Variants in CTNNA2 observed in about 807,000 individuals in gnomAD.
CTNNA2 encodes the protein catenin alpha-2.
A neutral mutation model predicts 101.0 loss-of-function variants in CTNNA2; 42 were observed. The ratio of observed to expected loss-of-function variants is 0.42; its 90% CI spans 0.32 to 0.54. The LOEUF (loss-of-function observed/expected upper bound fraction) is 0.54. Ranked by LOEUF, CTNNA2 falls within the 20% of genes least tolerant of loss-of-function variation. The pLI, the probability that CTNNA2 is intolerant of heterozygous loss-of-function variation, is 0.14. For missense variants in CTNNA2, 871 were observed against 1,223.1 expected (o/e 0.71, Z 4.29); for synonymous variants, 450 against 456.4 (o/e 0.99, Z 0.18).
chr2:80,019,924 C>G (rs1428388381), intron 7 of CTNNA2, among the ~76,000 whole-genome samples: 3 of 152,072 alleles, frequency 2.0e-5, no homozygotes, highest in East Asian at 3.9e-4. Flanking sequence ...CCTGTAGTTC[C>G]CTACGTTTTT....
chr2:79,242,944 GC>G (rs1290635779), intron 2 of CTNNA2, among the ~76,000 whole-genome samples: 3 of 147,910 alleles, frequency 2.0e-5, no homozygotes, highest in Non-Finnish European at 4.5e-5. Flanking sequence ...TCCAGTCTGA[GC>G]AACAAAGTAA....
chr2:79,919,624 C>G (rs887500366), intron 7 of CTNNA2, among the ~76,000 whole-genome samples: 2 of 152,124 alleles, frequency 1.3e-5, no homozygotes, highest in South Asian at 2.1e-4. Context: ...TCAAAGAAGA[C>G]CTCACAAAAT....
At chr2:79,948,917 G>A (rs1688689268) in intron 7 of CTNNA2, among the ~76,000 whole-genome samples, 2 of 152,114 alleles carry the variant, frequency 1.3e-5, no homozygotes, top group Non-Finnish European at 2.9e-5. Context: ...GCAGTGAACT[G>A]AGATTGTGCC....
At position 79,867,337 on chromosome 2, in the gene CTNNA2, ATCTATCTG is replaced by A. The variant is rs780404392; in HGVS notation, c.466-2471_466-2464del. ...TTTTTCTACGTCCCTTCAATATTCTATCTATCTGTCTATCTATCAATCATCCATCAATC... is the reference window on the plus strand; with the variant it reads ...TTTTTCTACGTCCCTTCAATATTCTATCTATCTATCAATCATCCATCAATC... On this transcript the variant is annotated intron_variant, in intron 4 of 18. Coordinates refer to ENST00000402739, the MANE Select transcript of CTNNA2 (RefSeq NM_001282597.3). Among the ~76,000 whole-genome samples the A allele has an allele frequency of 5.4e-4, 81 of 150,434 alleles. 1 individual carries two copies. In the South Asian group the frequency reaches 0.014, roughly 26 times the overall value.
At chr2:80,061,388 C>T (rs1697589972) in intron 7 of CTNNA2, among the ~76,000 whole-genome samples, 1 of 152,156 alleles carries the variant, frequency 6.6e-6, no homozygotes, top group South Asian at 2.1e-4. Flanking sequence ...GATTGTGTAT[C>T]TCTTTAGAAT....
intron 7 of CTNNA2, among the ~76,000 whole-genome samples, chr2:80,214,117 A>T (rs949828327): frequency 6.6e-6 from 1 of 152,120 alleles, no homozygotes; most frequent in Non-Finnish European, 1.5e-5. Context: ...TCTGCACATG[A>T]GATGGGTCTC....
rs72926643 is a variant in CTNNA2, at chr2:80,162,949, G to A, written c.1057-230262G>A. The A allele has an allele frequency of 6.2e-5, 95 of 1,539,134 alleles. No individual in the cohort carries two copies. The African/African-American group carries it at 1.1e-3, about 19-fold the overall frequency. ...CTTGAATTTCCAACATGATATTGGG[G>A]ATATGGCAAACTGACATCTTGCGAG... On this transcript the variant is annotated intron_variant, in intron 7 of 18. Coordinates refer to ENST00000402739, the MANE Select transcript of CTNNA2 (RefSeq NM_001282597.3).
At chr2:79,525,198 C>T (rs1672336684) in intron 1 of CTNNA2, among the ~76,000 whole-genome samples, 2 of 151,928 alleles carry the variant, frequency 1.3e-5, no homozygotes, top group South Asian at 4.1e-4. Flanking sequence ...ATAGCCAGTA[C>T]AGCAGCACTA....
intron 2 of CTNNA2, among the ~76,000 whole-genome samples, chr2:79,302,794 C>T (rs1255841245): frequency 1.3e-5 from 2 of 152,136 alleles, no homozygotes; most frequent in Admixed American, 1.3e-4. Context: ...TTTTCAACAA[C>T]CATAATAATA....
At chr2:80,208,807 C>A (rs1402002565) in intron 7 of CTNNA2, among the ~76,000 whole-genome samples, 1 of 152,164 alleles carries the variant, frequency 6.6e-6, no homozygotes, top group Non-Finnish European at 1.5e-5. Context: ...AACTGGCCAA[C>A]AATTTCACCA....
chr2:80,221,666 A>G (rs564858191), intron 7 of CTNNA2, among the ~76,000 whole-genome samples: 198 of 152,240 alleles, frequency 1.3e-3, no homozygotes, highest in African/African-American at 4.5e-3. Flanking sequence ...TGAAAATTTC[A>G]TGGAAGAAGG....
chr2:80,029,470 T>A (rs1329152248), intron 7 of CTNNA2: 1 of 152,104 alleles, frequency 6.6e-6, no homozygotes, highest in Admixed American at 6.6e-5. Context: ...TCTCCTAGCT[T>A]CACGACAGAA....
At position 80,176,620 on chromosome 2, in the gene CTNNA2, G is replaced by T. The variant is rs149407269; in HGVS notation, c.1057-216591G>T. Among the ~76,000 whole-genome samples, 43 of 152,224 alleles carry T rather than the reference G, an allele frequency of 2.8e-4. No individual in the cohort carries two copies. In the East Asian group the frequency reaches 7.4e-3, roughly 26 times the overall value. On this transcript the variant is annotated intron_variant, in intron 7 of 18. Transcript: ENST00000402739. ...TAGGGTCTATGTCATTTGTAGTCCTGCCTGGATTGGGTTGTTATAGTTTTC... is the reference window on the plus strand; with the variant it reads ...TAGGGTCTATGTCATTTGTAGTCCTTCCTGGATTGGGTTGTTATAGTTTTC...
intron 7 of CTNNA2, among the ~76,000 whole-genome samples, chr2:80,307,157 G>A (rs1375690703): frequency 6.6e-6 from 1 of 151,262 alleles, no homozygotes; most frequent in East Asian, 1.9e-4. Flanking sequence ...CACCTCTAAT[G>A]TGGCAAGTTT....
rs1182883734 is a variant in CTNNA2, at chr2:79,727,846, C to T, written c.103-16541C>T. Among the ~76,000 whole-genome samples, 45 of 150,622 alleles carry T rather than the reference C, an allele frequency of 3.0e-4. 1 individual carries two copies. Among genetic ancestry groups the T allele is most frequent in the African/African-American group, 9.8e-4 (40 of 40,990 alleles). On this transcript the variant is annotated intron_variant, in intron 2 of 18. Transcript: ENST00000402739. Reference sequence around the variant, plus strand: ...TGCAGTGTTTGGTTTTTTGTTCTTGCGATAGTTTACTGTGAATGATGATTT... The same window carrying T: ...TGCAGTGTTTGGTTTTTTGTTCTTGTGATAGTTTACTGTGAATGATGATTT...
chr2:79,207,036 A>G (rs1157322914), intron 2 of CTNNA2, among the ~76,000 whole-genome samples: 1 of 152,188 alleles, frequency 6.6e-6, no homozygotes, highest in Non-Finnish European at 1.5e-5. Flanking sequence ...GTTTCTGGCA[A>G]TGTGGCAAAG....
chr2:79,976,186 C>A (rs1460383185), intron 7 of CTNNA2, among the ~76,000 whole-genome samples: 1 of 152,130 alleles, frequency 6.6e-6, no homozygotes, highest in East Asian at 1.9e-4. Context: ...ATTTTATAAG[C>A]TTTTCTAATC....
At chr2:80,074,455 A>G (rs995586133) in intron 7 of CTNNA2, among the ~76,000 whole-genome samples, 8 of 152,204 alleles carry the variant, frequency 5.3e-5, no homozygotes, top group Admixed American at 5.2e-4. Flanking sequence ...TTGCAAGAAG[A>G]GTAGATGAGC....
At chr2:80,239,907 C>G (rs1436865320) in intron 7 of CTNNA2, among the ~76,000 whole-genome samples, 1 of 140,562 alleles carries the variant, frequency 7.1e-6, no homozygotes, top group Non-Finnish European at 1.5e-5. Context: ...AGCAAGACTC[C>G]ATCTCAAAAA....
Sources: gnomAD v4.1 joint callset for allele counts (sites outside exome capture counted in the v4.1 genomes callset) on GRCh38, gnomAD v4.1.1 for gene constraint, MANE v1.5 for transcripts, NCBI Gene and HGNC (gene_info 2026-07-23, HGNC 2026-07-21) for gene names.